PIP5K1B: variants seen among roughly 807,000 people sequenced by gnomAD.
PIP5K1B encodes the protein phosphatidylinositol 4-phosphate 5-kinase type-1 beta.
PIP5K1B carries 42 observed loss-of-function variants against 67.0 expected under a neutral mutation model. The ratio of observed to expected loss-of-function variants is 0.63; its 90% CI spans 0.49 to 0.81. The LOEUF is 0.81. Among genes scored for constraint, PIP5K1B ranks in the 30% least tolerant of loss-of-function variants. PIP5K1B has a pLI of 0.00. For missense variants in PIP5K1B, 459 were observed against 646.3 expected (o/e 0.71, Z 3.14); for synonymous variants, 214 against 231.4 (o/e 0.92, Z 0.68).
At chr9:68,881,015 C>T (rs774970240) in intron 6 of PIP5K1B, among the ~76,000 whole-genome samples, 11 of 152,182 alleles carry the variant, frequency 7.2e-5, no homozygotes, top group Non-Finnish European at 1.0e-4. Flanking sequence ...TAACCTTCAG[C>T]GACTTTTTAG....
intron 15 of PIP5K1B, among the ~76,000 whole-genome samples, chr9:68,991,939 C>T (rs1287696166): frequency 6.6e-6 from 1 of 152,000 alleles, no homozygotes; most frequent in Non-Finnish European, 1.5e-5. Flanking sequence ...TGCATGTATG[C>T]TACGTCTTTG....
intron 8 of PIP5K1B, among the ~76,000 whole-genome samples, chr9:68,898,034 G>A (rs1825175171): frequency 6.6e-6 from 1 of 152,038 alleles, no homozygotes; most frequent in Admixed American, 6.6e-5. Flanking sequence ...TCTTCTCCTG[G>A]CATCCTTGTG....
chr9:68,786,413 C>T (rs1831616212), intron 2 of PIP5K1B, among the ~76,000 whole-genome samples: 1 of 151,986 alleles, frequency 6.6e-6, no homozygotes, highest in Admixed American at 6.5e-5. Context: ...TCTCAAGTCC[C>T]TATTACTGTC....
intron 1 of PIP5K1B, among the ~76,000 whole-genome samples, chr9:68,740,693 C>G (rs1828962209): frequency 6.6e-6 from 1 of 152,194 alleles, no homozygotes; most frequent in Non-Finnish European, 1.5e-5. Flanking sequence ...GCTTCAAAGG[C>G]AAATATTTAT....
rs549942696 is a variant in PIP5K1B, at chr9:68,740,163, G to A, written c.-242-2338G>A. ...TGTGGCCCAAGGCTCTGCTATATAT[G>A]TGTTTGCATCCAGTGTCTGAATTTT... On this transcript the variant is annotated intron_variant, in intron 1 of 15. Transcript: ENST00000265382. 8.5e-5 allele frequency among the ~76,000 whole-genome samples: 13 copies of A among 152,302 alleles called. No individual in the cohort carries two copies. The South Asian group carries it at 2.7e-3, about 32-fold the overall frequency.
intron 2 of PIP5K1B, among the ~76,000 whole-genome samples, chr9:68,801,963 C>A (rs574899186): frequency 2.2e-4 from 34 of 152,300 alleles, no homozygotes; most frequent in South Asian, 2.1e-4. Context: ...GAAAAAGATA[C>A]CCCACCAGAT....
intron 8 of PIP5K1B, among the ~76,000 whole-genome samples, chr9:68,895,223 A>T (rs1016109909): frequency 4.8e-5 from 7 of 144,732 alleles, no homozygotes; most frequent in Non-Finnish European, 1.1e-4. Context: ...AGCTGGAGTG[A>T]TTGTCCAAAG....
At chr9:68,823,578 A>C (rs1331693081) in intron 4 of PIP5K1B, among the ~76,000 whole-genome samples, 5 of 152,224 alleles carry the variant, frequency 3.3e-5, no homozygotes, top group Non-Finnish European at 7.3e-5. Flanking sequence ...AGTCTTTGAT[A>C]AATTCTCGAC....
intron 2 of PIP5K1B, among the ~76,000 whole-genome samples, chr9:68,751,756 G>A (rs977915985): frequency 6.6e-6 from 1 of 152,170 alleles, no homozygotes; most frequent in Admixed American, 6.5e-5. Context: ...CAAGATCAAG[G>A]ATGGAGCACA....
At chr9:68,897,323 A>G (rs566015534) in intron 8 of PIP5K1B, among the ~76,000 whole-genome samples, 1 of 152,354 alleles carries the variant, frequency 6.6e-6, no homozygotes, top group South Asian at 2.1e-4. Flanking sequence ...CACATATTGC[A>G]AGCACACTAC....
At chr9:68,836,141 C>T (rs1330175492) in intron 4 of PIP5K1B, among the ~76,000 whole-genome samples, 1 of 152,094 alleles carries the variant, frequency 6.6e-6, no homozygotes, top group Non-Finnish European at 1.5e-5. Flanking sequence ...ATCTAAAACC[C>T]GTTCATGGGT....
At chr9:68,718,201 G>A (rs1176873303) in intron 1 of PIP5K1B, among the ~76,000 whole-genome samples, 1 of 152,188 alleles carries the variant, frequency 6.6e-6, no homozygotes, top group African/African-American at 2.4e-5. Flanking sequence ...GTAAAACTTG[G>A]AGAGTAGACA....
intron 1 of PIP5K1B, among the ~76,000 whole-genome samples, chr9:68,737,197 A>C (rs951908868): frequency 6.6e-6 from 1 of 152,180 alleles, no homozygotes; most frequent in Non-Finnish European, 1.5e-5. Flanking sequence ...CTGTCAATTA[A>C]AGGTGTGTTT....
At chr9:68,792,945 T>C (rs906308476) in intron 2 of PIP5K1B, among the ~76,000 whole-genome samples, 1 of 152,174 alleles carries the variant, frequency 6.6e-6, no homozygotes, top group Non-Finnish European at 1.5e-5. Flanking sequence ...TTAGGATACT[T>C]TGGTGTACAA....
intron 3 of PIP5K1B, among the ~76,000 whole-genome samples, chr9:68,819,550 G>C (rs1833626505): frequency 6.6e-6 from 1 of 152,134 alleles, no homozygotes. Flanking sequence ...TGTGATTACG[G>C]GTGTGAGCCA....
At chr9:68,876,629 T>C in intron 5 of PIP5K1B, 48 bp from the exon 6 acceptor site, 1 of 1,035,234 alleles carries the variant, frequency 9.7e-7, no homozygotes, top group Non-Finnish European at 1.5e-6. Context: ...AAATTGTCCT[T>C]GCTAATGTGT....
intron 2 of PIP5K1B, chr9:68,780,218 G>A (rs777200926): frequency 1.3e-6 from 2 of 1,539,522 alleles, no homozygotes; most frequent in East Asian, 2.3e-5. Context: ...GTACGGGCGG[G>A]AGCCCGGCGG....
chr9:68,894,524 G>T lies in PIP5K1B; in HGVS notation c.657G>T (p.Glu219Asp). 1.2e-6 allele frequency: 2 copies of T among 1,614,106 alleles called. No homozygotes were observed. The highest frequency in any genetic ancestry group is 1.7e-6 in the Non-Finnish European group (2 of 1,179,984). Reference protein sequence around the residue: ...YKRRASRKEREKSNPTFKDLD... With the variant: ...YKRRASRKERDKSNPTFKDLD... Reference sequence around the variant, plus strand: ...GAAGAGCATCCCGTAAAGAGAGAGAGAAATCCAACCCCACATTTAAGGACT... The same window carrying T: ...GAAGAGCATCCCGTAAAGAGAGAGATAAATCCAACCCCACATTTAAGGACT... Residue 219 changes from glutamate (E) to aspartate (D), a missense_variant, in exon 8 of 16, where the codon GAG becomes GAT. Physicochemically the swap from Glu to Asp is conservative, Grantham distance 45. This residue lies in a region of PIP5K1B where 290 missense variants were observed against 474.4 expected (regional missense o/e 0.61). Coordinates refer to ENST00000265382, the MANE Select transcript of PIP5K1B (RefSeq NM_003558.4).
At chr9:68,843,482 G>C (rs1822024963) in intron 4 of PIP5K1B, among the ~76,000 whole-genome samples, 1 of 152,178 alleles carries the variant, frequency 6.6e-6, no homozygotes, top group African/African-American at 2.4e-5. Flanking sequence ...TATATCATGG[G>C]ATACAGACAC....
Sources: gnomAD v4.1 joint callset for allele counts (sites outside exome capture counted in the v4.1 genomes callset) on GRCh38, gnomAD v4.1.1 for gene constraint, gnomAD v4.1.1 regional missense constraint, MANE v1.5 for transcripts, NCBI Gene and HGNC (gene_info 2026-07-23, HGNC 2026-07-21) for gene names.